LAS1L: variants seen among roughly 807,000 people sequenced by gnomAD.
The protein encoded by LAS1L is LAS1 like ribosome biogenesis factor.
A neutral mutation model predicts 57.3 loss-of-function variants in LAS1L; 5 were observed. The ratio of observed to expected loss-of-function variants is 0.09; its 90% CI spans 0.05 to 0.18. LAS1L has a LOEUF of 0.18. Ranked by LOEUF, LAS1L falls within the 10% of genes least tolerant of loss-of-function variation. The pLI, the probability that LAS1L is intolerant of heterozygous loss-of-function variation, is 1.00. For missense variants in LAS1L, 360 were observed against 568.3 expected (o/e 0.63, Z 3.73); for synonymous variants, 245 against 231.7 (o/e 1.06, Z -0.52).
rs750142412 is a variant in LAS1L at position 65,517,231 on chromosome X, C to CTTCT, written c.1927+752_1927+755dup. Among the ~76,000 whole-genome samples, 586 of 104,440 alleles carry CTTCT rather than the reference C, an allele frequency of 5.6e-3. 4 individuals are homozygous for CTTCT. Among genetic ancestry groups the CTTCT allele is most frequent in the Admixed American group, 7.8e-3 (78 of 9,990 alleles). The allele number at this position is 104,440 out of a possible 115,157, so 90.7% of individuals were successfully genotyped here. On this transcript the variant is annotated intron_variant, in intron 12 of 13. Coordinates refer to ENST00000374811, the MANE Select transcript of LAS1L (RefSeq NM_031206.7). ...TTCTCTGACTTAATGCCCTAGGTTC[C>CTTCT]TTCTTTCTTTCTTTCTTTCTTTTTT...
Position 65,529,684 on chromosome X carries a change from C to T in LAS1L, c.709G>A (p.Glu237Lys), listed in dbSNP as rs756133493. 7 of 1,211,638 alleles carry T rather than the reference C, an allele frequency of 5.8e-6. No individual in the cohort carries two copies. In the Admixed American group the frequency reaches 1.5e-4, roughly 26 times the overall value. The change falls in exon 5 of 14, where the codon GAG becomes AAG. Residue 237 changes from glutamate to lysine, a missense_variant. This residue lies in a region of LAS1L where 51 missense variants were observed against 43.1 expected (regional missense o/e 1.18). Coordinates refer to ENST00000374811, the MANE Select transcript of LAS1L (RefSeq NM_031206.7). Reference sequence around the variant, plus strand: ...TCTCCATCGGCCTTTACATCTGACTCCGTACTTTTCCCATCATCCTGAGGC... The same window carrying T: ...TCTCCATCGGCCTTTACATCTGACTTCGTACTTTTCCCATCATCCTGAGGC... ...PEPQDDGKST[E>K]SDVKADGDSK...
intron 9 of LAS1L, 89 bp from the exon 10 acceptor site, chrX:65,524,351 A>G: frequency 6.7e-6 from 5 of 744,287 alleles, no homozygotes; most frequent in Non-Finnish European, 1.0e-5. Flanking sequence ...AGCAAGAGAA[A>G]GGAAGTGAGA....
In LAS1L at chrX:65,529,579, C is replaced by T. The variant is rs755293066; in HGVS notation, c.799+15G>A. 2 of 1,205,553 alleles carry T rather than the reference C, an allele frequency of 1.7e-6. No homozygotes were observed. Among genetic ancestry groups the T allele is most frequent in the South Asian group, 1.8e-5 (1 of 56,158 alleles). ...CTGGGCTCATGGGCCGCTTTCTGCC[C>T]TCCAAAACACCTACCATATAGCTCT... On this transcript the variant is annotated intron_variant, in intron 5 of 13. Transcript: ENST00000374811.
Position 65,529,800 on chromosome X carries a change from T to C in LAS1L, c.593A>G (p.Glu198Gly), listed in dbSNP as rs374868626. Residue 198 changes from glutamate to glycine, a missense_variant, in exon 5 of 14, where the codon GAG becomes GGG. Physicochemically the swap from Glu to Gly is moderately conservative, Grantham distance 98. This residue lies in a region of LAS1L where 43 missense variants were observed against 78.0 expected (regional missense o/e 0.55). Transcript: ENST00000374811. The stretch of plus-strand genomic sequence containing the variant: ...TATCCCTTCCCTGAACTCCTCCAAC[T>C]CCCAGGTCTCTCTCAGGCTGTTCTC... ...QLENSLRETW[E>G]LEEFREGIEE... 2.5e-6 allele frequency: 3 copies of C among 1,211,237 alleles called. No individual in the cohort carries two copies. The highest frequency in any genetic ancestry group is 3.4e-6 in the Non-Finnish European group (3 of 895,161).
At chrX:65,528,207 C>A in intron 7 of LAS1L, 53 bp downstream of exon 7, 1 of 779,702 alleles carries the variant, frequency 1.3e-6, no homozygotes, top group Admixed American at 2.6e-5. Flanking sequence ...TTCAATGAGG[C>A]TGCTACCCTC....
rs1569437999 is a variant in LAS1L, at chrX:65,523,988, T to G, written c.1300+68A>C. 3.9e-5 allele frequency: 40 copies of G among 1,033,914 alleles called. No homozygotes were observed. In the Middle Eastern group the frequency reaches 1.3e-3, roughly 35 times the overall value. The allele number at this position is 1,033,914 out of a possible 1,213,427, so 85.2% of individuals were successfully genotyped here. A position where few individuals can be genotyped will look rare whatever the true frequency, so the allele number is the denominator to read the frequency against. On this transcript the variant is annotated intron_variant, in intron 10 of 13. Transcript: ENST00000374811. ...TGCCTGGTGCTTCTTAGCAGAGAGC[T>G]GAGGACAGTGGCAGAGGCTCCTGCC... is the stretch of plus-strand genomic sequence containing the variant.
At chrX:65,520,029 C>T (rs1190213071) in intron 11 of LAS1L, among the ~76,000 whole-genome samples, 1 of 111,969 alleles carries the variant, frequency 8.9e-6, no homozygotes, top group East Asian at 2.8e-4. Flanking sequence ...AATAAATATT[C>T]CCAGACACTT....
At chrX:65,514,056 C>T (rs1367484033) in intron 13 of LAS1L, among the ~76,000 whole-genome samples, 1 of 112,304 alleles carries the variant, frequency 8.9e-6, no homozygotes, top group Non-Finnish European at 1.9e-5. Context: ...GGTTCATCTC[C>T]CAGGGAGTGG....
At chrX:65,531,497 G>A (rs1238312435) in intron 3 of LAS1L, 59 bp from the exon 4 acceptor site, 4 of 863,967 alleles carry the variant, frequency 4.6e-6, no homozygotes, top group African/African-American at 4.0e-5. Flanking sequence ...AAGCTGGAAG[G>A]GAGCCAGAGA....
At position 65,524,050 on chromosome X, in the gene LAS1L, C is replaced by T; in HGVS notation, c.1300+6G>A. The T allele has an allele frequency of 1.7e-6, 2 of 1,207,751 alleles. No homozygotes were observed. The highest frequency in any genetic ancestry group is 5.9e-5 in the East Asian group (2 of 33,777). On this transcript the variant is annotated splice_donor_region_variant and intron_variant, in intron 10 of 13. Transcript: ENST00000374811. ...AGGCCCTAGGGCTAGGGCTAGTCTCCCTCACCAGTCTTGGTGTTGGCCACG... is the reference window on the plus strand; with the variant it reads ...AGGCCCTAGGGCTAGGGCTAGTCTCTCTCACCAGTCTTGGTGTTGGCCACG...
In LAS1L at chrX:65,520,962, C is replaced by G. The variant is rs931645317; in HGVS notation, c.1449-2497G>C. ...TATTCTTTCTCCTGCTTGAATTGTT[C>G]AAATGCCTCCTCTTGAAACTCTGAC... On this transcript the variant is annotated intron_variant, in intron 11 of 13. Transcript: ENST00000374811. 5.3e-6 allele frequency: 4 copies of G among 751,470 alleles called. No homozygotes were observed. The Admixed American group carries it at 3.6e-4, about 68-fold the overall frequency. The allele number at this position is 751,470 out of a possible 1,213,427, so 61.9% of individuals were successfully genotyped here.
intron 12 of LAS1L, among the ~76,000 whole-genome samples, chrX:65,516,648 C>T (rs2068642012): frequency 2.0e-5 from 2 of 100,550 alleles, no homozygotes; most frequent in African/African-American, 8.4e-5. Flanking sequence ...CACACACACA[C>T]ACACACACAC....
chrX:65,521,733 A>C (rs2068858873), intron 11 of LAS1L: 2 of 111,478 alleles, frequency 1.8e-5, no homozygotes, highest in Admixed American at 1.9e-4. Flanking sequence ...ACTAGTAATA[A>C]GCACAGGCAT....
At chrX:65,531,122 T>C (rs1160314569) in intron 4 of LAS1L, among the ~76,000 whole-genome samples, 2 of 112,751 alleles carry the variant, frequency 1.8e-5, no homozygotes, top group Non-Finnish European at 3.8e-5. Context: ...ACTTAAAGTT[T>C]TGATATTATG....
intron 13 of LAS1L, among the ~76,000 whole-genome samples, chrX:65,513,172 C>T (rs2148257305): frequency 8.9e-6 from 1 of 112,287 alleles, no homozygotes; most frequent in South Asian, 3.7e-4. Flanking sequence ...TAAAGCAGAG[C>T]TGTTTGGGTT....
intron 3 of LAS1L, 111 bp downstream of exon 3, chrX:65,532,450 G>A: frequency 1.8e-6 from 1 of 568,337 alleles, no homozygotes. Context: ...GCTGGGCTTG[G>A]CTGGTAGTGA....
At chrX:65,529,370 T>C (rs1175082408) in intron 5 of LAS1L, 112 bp from the exon 6 acceptor site, 4 of 740,447 alleles carry the variant, frequency 5.4e-6, no homozygotes, top group Non-Finnish European at 8.0e-6. Flanking sequence ...GAACTAGAAT[T>C]CCTTCCCCAA....
intron 10 of LAS1L, 40 bp downstream of exon 10, chrX:65,524,016 G>T: frequency 8.7e-7 from 1 of 1,146,719 alleles, no homozygotes; most frequent in East Asian, 3.0e-5. Context: ...CTCCTGCCTG[G>T]GCTGCCTTAG....
intron 8 of LAS1L, 27 bp downstream of exon 8, chrX:65,524,938 G>A (rs753442158): frequency 8.6e-7 from 1 of 1,160,487 alleles, no homozygotes; most frequent in Non-Finnish European, 1.2e-6. Flanking sequence ...AGAACCCTAA[G>A]GGTGCAGTGA....
Sources: gnomAD v4.1 joint callset for allele counts (sites outside exome capture counted in the v4.1 genomes callset) on GRCh38, gnomAD v4.1.1 for gene constraint, gnomAD v4.1.1 regional missense constraint, MANE v1.5 for transcripts, NCBI Gene and HGNC (gene_info 2026-07-23, HGNC 2026-07-21) for gene names.